CELF2: variants seen among roughly 807,000 people sequenced by gnomAD.
CELF2 encodes the protein CUGBP Elav-like family member 2.
In CELF2, 8 loss-of-function variants were observed where a neutral mutation model predicts 62.6. The ratio of observed to expected loss-of-function variants is 0.13; its 90% CI spans 0.07 to 0.23. The LOEUF is 0.23. Ranked by LOEUF, CELF2 falls within the 10% of genes least tolerant of loss-of-function variation. The pLI is 1.00. For missense variants in CELF2, 333 were observed against 671.0 expected, an observed-to-expected ratio of 0.50 and a Z score of 5.56; for synonymous variants, 258 against 250.0, an observed-to-expected ratio of 1.03 and a Z score of -0.30.
intron 1 of CELF2, among the ~76,000 whole-genome samples, chr10:11,153,768 A>C (rs761413414): frequency 6.6e-6 from 1 of 152,264 alleles, no homozygotes; most frequent in East Asian, 1.9e-4. Context: ...AATGTTGATC[A>C]GTCCCTAAAC....
intron 1 of CELF2, among the ~76,000 whole-genome samples, chr10:11,127,083 T>C (rs2058830209): frequency 6.6e-6 from 1 of 152,072 alleles, no homozygotes. Context: ...TATGTGATGT[T>C]CCCTGCCCTG....
the CELF2 span, chr10:10,786,711 G>C: frequency 6.6e-6 from 1 of 152,174 alleles, no homozygotes; most frequent in African/African-American, 2.4e-5. Flanking sequence ...TCCTGAGGTG[G>C]TCTGCCATCT....
At chr10:10,704,777 T>C in the CELF2 span, among the ~76,000 whole-genome samples, 1 of 152,086 alleles carries the variant, frequency 6.6e-6, no homozygotes, top group Non-Finnish European at 1.5e-5. Context: ...ACCATGGAAG[T>C]AGAAGTTTTA....
chr10:10,610,513 AATG>A, the CELF2 span, among the ~76,000 whole-genome samples: 5 of 152,210 alleles, frequency 3.3e-5, no homozygotes, highest in Admixed American at 3.3e-4. Context: ...GTTCATTTAA[AATG>A]ATTATTGCTC....
intron 1 of CELF2, among the ~76,000 whole-genome samples, chr10:10,892,384 T>G (rs2062208487): frequency 6.6e-6 from 1 of 152,062 alleles, no homozygotes; most frequent in Non-Finnish European, 1.5e-5. Flanking sequence ...CCAGAGCTCC[T>G]CATCTCCTTG....
At chr10:10,535,481 A>G in the CELF2 span, among the ~76,000 whole-genome samples, 2 of 152,172 alleles carry the variant, frequency 1.3e-5, no homozygotes, top group African/African-American at 4.8e-5. Context: ...GCACTTTGGG[A>G]GGCCAAGGTG....
At position 11,311,086 on chromosome 10, in the gene CELF2, C is replaced by T. The variant is rs1235262852; in HGVS notation, c.977-3053C>T. 6.6e-6 allele frequency among the ~76,000 whole-genome samples: 1 copy of T among 152,112 alleles called. No individual in the cohort carries two copies. The highest frequency in any genetic ancestry group is 1.5e-5 in the Non-Finnish European group (1 of 68,026). On this transcript the variant is annotated intron_variant, in intron 9 of 12. Transcript: ENST00000633077. This position sits in a 1 kb window ranked among gnomAD's most constrained non-coding sequence, Gnocchi z 4.7. The stretch of plus-strand genomic sequence containing the variant: ...TATCTAATAGGAGACCCTCCCCATA[C>T]GAGCCTGAAACCTCAAAAGGCTAAA...
At chr10:10,656,615 G>C in the CELF2 span, among the ~76,000 whole-genome samples, 10 of 128,364 alleles carry the variant, frequency 7.8e-5, no homozygotes, top group East Asian at 1.7e-3. Context: ...GTAAACTATC[G>C]CAAGAACAAA....
the CELF2 span, among the ~76,000 whole-genome samples, chr10:10,725,513 T>TCATTGTAATA: frequency 6.6e-6 from 1 of 152,332 alleles, no homozygotes; most frequent in African/African-American, 2.4e-5. Context: ...AATCCCAACT[T>TCATTGTAATA]CATTGTAATA....
chr10:10,887,181 A>G (rs1452767025), intron 1 of CELF2, among the ~76,000 whole-genome samples: 8 of 151,960 alleles, frequency 5.3e-5, no homozygotes, highest in South Asian at 2.1e-4. Context: ...TAGACTGCCA[A>G]TCCAACTTGC....
chr10:10,482,227 A>G, the CELF2 span, among the ~76,000 whole-genome samples: 1 of 152,222 alleles, frequency 6.6e-6, no homozygotes, highest in African/African-American at 2.4e-5. Context: ...AAATATCCCA[A>G]TGCATATGGT....
chr10:10,537,132 C>T, the CELF2 span, among the ~76,000 whole-genome samples: 1 of 152,148 alleles, frequency 6.6e-6, no homozygotes, highest in Non-Finnish European at 1.5e-5. Context: ...TCCTCTTCCT[C>T]CAGCCTGGAA....
chr10:10,759,337 C>G, the CELF2 span, among the ~76,000 whole-genome samples: 1 of 121,254 alleles, frequency 8.2e-6, no homozygotes, highest in African/African-American at 3.1e-5. Flanking sequence ...GAGATGAAGT[C>G]TCACTCTTGT....
At chr10:10,600,035 C>T in the CELF2 span, among the ~76,000 whole-genome samples, 1 of 152,106 alleles carries the variant, frequency 6.6e-6, no homozygotes, top group East Asian at 1.9e-4. Flanking sequence ...CCGGCCTCTG[C>T]CCCATTTCTT....
At chr10:10,636,884 A>G in the CELF2 span, among the ~76,000 whole-genome samples, 1 of 152,222 alleles carries the variant, frequency 6.6e-6, no homozygotes, top group South Asian at 2.1e-4. Flanking sequence ...ATTAGGATTA[A>G]CAGAAAGAAA....
intron 1 of CELF2, among the ~76,000 whole-genome samples, chr10:11,154,788 T>C (rs1564971739): frequency 1.3e-5 from 2 of 152,198 alleles, no homozygotes; most frequent in Non-Finnish European, 2.9e-5. Flanking sequence ...GATACATTAC[T>C]GACTGAAAAA....
intron 2 of CELF2, chr10:10,925,163 AG>A (rs1343335466): frequency 6.6e-6 from 1 of 152,172 alleles, no homozygotes; most frequent in African/African-American, 2.4e-5. Flanking sequence ...CACTGTCCTC[AG>A]TACGCAATGC....
intron 7 of CELF2, among the ~76,000 whole-genome samples, chr10:11,271,387 C>G (rs1248348996): frequency 6.6e-6 from 1 of 152,224 alleles, no homozygotes; most frequent in East Asian, 1.9e-4. Flanking sequence ...TCATGCTCTC[C>G]ATTTCACTTT....
chr10:11,068,635 A>G (rs569391514), intron 1 of CELF2, among the ~76,000 whole-genome samples: 2 of 151,250 alleles, frequency 1.3e-5, no homozygotes, highest in South Asian at 4.2e-4. Flanking sequence ...ATCTTGGCTC[A>G]CTGCAAGTTC....
Sources: gnomAD v4.1 joint callset for allele counts (sites outside exome capture counted in the v4.1 genomes callset) on GRCh38, gnomAD v4.1.1 for gene constraint, Gnocchi (gnomAD v3.1) non-coding constraint, MANE v1.5 for transcripts, NCBI Gene and HGNC (gene_info 2026-07-23, HGNC 2026-07-21) for gene names.